CCDC192: variants seen among roughly 807,000 people sequenced by gnomAD.
CCDC192 encodes coiled-coil domain containing 192.
At chr5:127,812,028 G>A (rs1336290229) in intron 5 of CCDC192, among the ~76,000 whole-genome samples, 1 of 152,148 alleles carries the variant, frequency 6.6e-6, no homozygotes, top group Non-Finnish European at 1.5e-5. Flanking sequence ...CCAGTTACTA[G>A]CTGAGTGTCT....
chr5:127,914,680 A>C (rs1013719678), intron 6 of CCDC192, among the ~76,000 whole-genome samples: 2 of 152,214 alleles, frequency 1.3e-5, no homozygotes, highest in Non-Finnish European at 2.9e-5. Flanking sequence ...ACGTGCTTGG[A>C]GATAGGGTAC....
At chr5:127,817,500 A>G (rs1304246663) in intron 5 of CCDC192, among the ~76,000 whole-genome samples, 1 of 152,240 alleles carries the variant, frequency 6.6e-6, no homozygotes, top group Non-Finnish European at 1.5e-5. Context: ...ATGGACAAAC[A>G]TTGAAAATAC....
intron 6 of CCDC192, among the ~76,000 whole-genome samples, chr5:127,913,308 T>A (rs972169444): frequency 1.2e-4 from 19 of 152,208 alleles, no homozygotes; most frequent in African/African-American, 4.6e-4. Context: ...AGATTGTGTC[T>A]TCTCCTCCCT....
intron 2 of CCDC192, among the ~76,000 whole-genome samples, chr5:127,753,424 G>A (rs890014408): frequency 3.9e-5 from 6 of 152,092 alleles, no homozygotes; most frequent in South Asian, 2.1e-4. Context: ...GAGTCCAGGC[G>A]CAGTGGCTCA....
chr5:127,921,001 C>T (rs1753696911), intron 6 of CCDC192, among the ~76,000 whole-genome samples: 3 of 151,564 alleles, frequency 2.0e-5, no homozygotes, highest in Middle Eastern at 3.4e-3. Flanking sequence ...TGTACCACTA[C>T]ACTCCAGCCT....
chr5:127,770,026 C>T (rs1318358065), intron 3 of CCDC192, among the ~76,000 whole-genome samples: 1 of 152,154 alleles, frequency 6.6e-6, no homozygotes, highest in African/African-American at 2.4e-5. Flanking sequence ...ATTTCTAAAA[C>T]TCTAATTTGA....
intron 2 of CCDC192, among the ~76,000 whole-genome samples, chr5:127,719,169 T>A (rs1751813465): frequency 6.6e-6 from 1 of 152,062 alleles, no homozygotes; most frequent in Non-Finnish European, 1.5e-5. Flanking sequence ...TCTTGACAGG[T>A]TTATTTCACT....
intron 2 of CCDC192, among the ~76,000 whole-genome samples, chr5:127,719,434 C>T (rs1033637545): frequency 6.8e-6 from 1 of 146,090 alleles, no homozygotes; most frequent in Non-Finnish European, 1.5e-5. Context: ...TATATATACA[C>T]ACACATACAT....
intron 5 of CCDC192, among the ~76,000 whole-genome samples, chr5:127,806,358 G>C (rs1018545965): frequency 6.6e-6 from 1 of 151,970 alleles, no homozygotes; most frequent in African/African-American, 2.4e-5. Flanking sequence ...ATTTTCTATA[G>C]ACGATGAATA....
intron 3 of CCDC192, among the ~76,000 whole-genome samples, chr5:127,766,658 A>G (rs957806871): frequency 6.7e-6 from 1 of 149,100 alleles, no homozygotes; most frequent in Non-Finnish European, 1.5e-5. Flanking sequence ...AGTTTCACTT[A>G]CTCGAACTAC....
At chr5:127,824,371 A>G (rs112785243) in intron 5 of CCDC192, among the ~76,000 whole-genome samples, 3,264 of 152,318 alleles carry the variant, frequency 0.021, 120 homozygotes, top group African/African-American at 0.075. Context: ...GCCAGCTGGA[A>G]GCAATATTAT....
At chr5:127,711,415 A>C (rs989311109) in intron 2 of CCDC192, among the ~76,000 whole-genome samples, 15 of 152,224 alleles carry the variant, frequency 9.9e-5, no homozygotes, top group African/African-American at 3.4e-4. Context: ...CTATATAGGA[A>C]GTCAGCTTTA....
intron 3 of CCDC192, among the ~76,000 whole-genome samples, chr5:127,759,734 T>G (rs569252167): frequency 1.6e-4 from 25 of 152,328 alleles, no homozygotes; most frequent in African/African-American, 5.5e-4. Flanking sequence ...AGTTCCAACC[T>G]ACCACAAAAG....
chr5:127,708,667 C>G (rs1046694179), intron 2 of CCDC192, among the ~76,000 whole-genome samples: 6 of 152,164 alleles, frequency 3.9e-5, no homozygotes, highest in Admixed American at 1.3e-4. Flanking sequence ...CCGAGCTTTA[C>G]TTTTCATCTG....
chr5:127,843,029 GTTTTTT>G (rs11428874), intron 5 of CCDC192, among the ~76,000 whole-genome samples: 2,096 of 91,772 alleles, frequency 0.023, 56 homozygotes, highest in African/African-American at 0.084. Flanking sequence ...TTTTAGTCAA[GTTTTTT>G]TTTTTTTTTT....
At chr5:127,862,370 A>G (rs1751405723) in intron 5 of CCDC192, among the ~76,000 whole-genome samples, 1 of 152,194 alleles carries the variant, frequency 6.6e-6, no homozygotes. Flanking sequence ...CAGTGCCCTC[A>G]TGGATACAAG....
chr5:127,743,262 T>C (rs1049310155), intron 2 of CCDC192, among the ~76,000 whole-genome samples: 2 of 152,086 alleles, frequency 1.3e-5, no homozygotes, highest in Non-Finnish European at 2.9e-5. Context: ...GCTCTTCCCC[T>C]ACCTCTTCAG....
chr5:127,871,891 C>T (rs1022303785), intron 5 of CCDC192, among the ~76,000 whole-genome samples: 3 of 152,206 alleles, frequency 2.0e-5, no homozygotes, highest in Admixed American at 1.3e-4. Flanking sequence ...TACCTCCAAG[C>T]TATAAAGCCT....
intron 2 of CCDC192, chr5:127,740,371 C>T (rs1475352546): frequency 2.6e-5 from 4 of 152,130 alleles, no homozygotes; most frequent in Non-Finnish European, 5.9e-5. Context: ...TTAGAATGTA[C>T]TATGGAAATT....
Sources: gnomAD v4.1 joint callset for allele counts (sites outside exome capture counted in the v4.1 genomes callset) on GRCh38, gnomAD v4.1.1 for gene constraint, MANE v1.5 for transcripts, NCBI Gene and HGNC (gene_info 2026-07-23, HGNC 2026-07-21) for gene names.